NRP2: variants seen among roughly 807,000 people sequenced by gnomAD.
NRP2 encodes the protein neuropilin 2.
A neutral mutation model predicts 110.4 loss-of-function variants in NRP2; 52 were observed. The observed-to-expected ratio is 0.47, with a 90% CI of 0.38 to 0.59. The LOEUF is 0.59. NRP2 is among the 20% of genes least tolerant of loss of function. The pLI is 0.00. For missense variants in NRP2, 1,049 were observed against 1,203.0 expected (o/e 0.87, Z 1.89); for synonymous variants, 508 against 468.9 (o/e 1.08, Z -1.08).
At chr2:205,688,694 T>G (rs981036146) in intron 1 of NRP2, among the ~76,000 whole-genome samples, 1 of 152,188 alleles carries the variant, frequency 6.6e-6, no homozygotes, top group Non-Finnish European at 1.5e-5. Flanking sequence ...CCAAATTATG[T>G]GACCTTTGGC....
chr2:205,787,277 A>G (rs1040561162), intron 15 of NRP2, among the ~76,000 whole-genome samples: 1 of 152,122 alleles, frequency 6.6e-6, no homozygotes, highest in African/African-American at 2.4e-5. Flanking sequence ...GTGCAGGGTG[A>G]TGCTGCCACT....
At chr2:205,705,465 G>T (rs1237651618) in intron 2 of NRP2, among the ~76,000 whole-genome samples, 1 of 152,212 alleles carries the variant, frequency 6.6e-6, no homozygotes, top group African/African-American at 2.4e-5. Context: ...AGAAAAGCAT[G>T]ACTTTTTTTA....
chr2:205,697,187 A>G (rs552512220), intron 1 of NRP2, among the ~76,000 whole-genome samples: 5 of 152,128 alleles, frequency 3.3e-5, no homozygotes, highest in Non-Finnish European at 7.4e-5. Flanking sequence ...TGAGGAGAGG[A>G]AGATGGGCCA....
Position 205,740,656 on chromosome 2 carries a change from G to T in NRP2, c.1284G>T (p.Arg428=). Residue 428 remains arginine (R), a synonymous_variant, in exon 8 of 17, where the codon CGG becomes CGT. Transcript: ENST00000357785. The stretch of plus-strand genomic sequence containing the variant: ...TCCGGCTGGAGCTCTTCGGCTGCCG[G>T]GTCACAGGTGAGGTGGGGGCTCCAA... ...IALRLELFGC[R]VTDAPCSNML... is the part of the protein sequence containing the mutation. The T allele has an allele frequency of 6.2e-7, 1 of 1,614,110 alleles. No individual in the cohort carries two copies. The highest frequency in any genetic ancestry group is 8.5e-7 in the Non-Finnish European group (1 of 1,180,024).
At chr2:205,779,033 G>A (rs2058142261) in intron 15 of NRP2, 2 of 152,210 alleles carry the variant, frequency 1.3e-5, no homozygotes, top group African/African-American at 4.8e-5. Context: ...CATGGAGGGA[G>A]GGAAGGGTCA....
intron 2 of NRP2, among the ~76,000 whole-genome samples, chr2:205,703,902 G>C (rs76215559): frequency 2.6e-5 from 4 of 152,110 alleles, no homozygotes; most frequent in African/African-American, 7.2e-5. Flanking sequence ...CCCTTTTCCC[G>C]GTGAAGAGGT....
chr2:205,722,752 C>A, intron 4 of NRP2, 44 bp downstream of exon 4: 1 of 1,491,076 alleles, frequency 6.7e-7, no homozygotes, highest in Non-Finnish European at 9.4e-7. Context: ...TGGCCTTTGC[C>A]TGTTAATTGC....
At chr2:205,757,276 G>A (rs550995506) in intron 12 of NRP2, among the ~76,000 whole-genome samples, 3 of 152,330 alleles carry the variant, frequency 2.0e-5, no homozygotes, top group East Asian at 3.9e-4. Context: ...GAATCTTAAT[G>A]TTATAAAATA....
chr2:205,726,202 T>C, intron 6 of NRP2, 120 bp downstream of exon 6: 2 of 1,000,012 alleles, frequency 2.0e-6, no homozygotes, highest in Non-Finnish European at 3.1e-6. Context: ...ACCTGAGAAC[T>C]CCATTCATTC....
At chr2:205,789,730 T>C (rs1294334397) in intron 15 of NRP2, among the ~76,000 whole-genome samples, 1 of 152,190 alleles carries the variant, frequency 6.6e-6, no homozygotes, top group East Asian at 1.9e-4. Context: ...GCCTATTCTT[T>C]GCTAGAACTA....
At position 205,725,049 on chromosome 2, in the gene NRP2, C is replaced by T. The variant is rs1184990889; in HGVS notation, c.821-864C>T. ...CCTACCCTGATTGCAGACAACTCAC[C>T]ATATATATAACTACAGACACGGCAG... On this transcript the variant is annotated intron_variant, in intron 5 of 16. Coordinates refer to ENST00000357785, the MANE Select transcript of NRP2 (RefSeq NM_003872.3). This position sits in a 1 kb window ranked among gnomAD's most constrained non-coding sequence, Gnocchi z 4.1. Among the ~76,000 whole-genome samples the T allele has an allele frequency of 6.6e-6, 1 of 152,128 alleles. No homozygotes were observed. The highest frequency in any genetic ancestry group is 1.5e-5 in the Non-Finnish European group (1 of 68,028).
At chr2:205,761,640 G>C (rs544658880) in intron 12 of NRP2, 1 of 152,214 alleles carries the variant, frequency 6.6e-6, no homozygotes, top group Non-Finnish European at 1.5e-5. Flanking sequence ...AAGCAGCAAC[G>C]GGCCCAGTGG....
chr2:205,726,259 C>CA (rs2057126086), intron 6 of NRP2, among the ~76,000 whole-genome samples, 177 bp downstream of exon 6: 1 of 152,200 alleles, frequency 6.6e-6, no homozygotes, highest in South Asian at 2.1e-4. Flanking sequence ...TACATGCTGG[C>CA]ATACACTGAT....
At chr2:205,767,066 C>T in intron 15 of NRP2, 1 of 554,180 alleles carries the variant, frequency 1.8e-6, no homozygotes. Flanking sequence ...AACCTTTCAG[C>T]CTTGCATTGT....
intron 7 of NRP2, among the ~76,000 whole-genome samples, chr2:205,736,935 A>G (rs2057354332): frequency 6.6e-6 from 1 of 152,258 alleles, no homozygotes; most frequent in African/African-American, 2.4e-5. Flanking sequence ...AATATATGAT[A>G]GCATTTACTA....
At chr2:205,695,605 A>G (rs1448676134) in intron 1 of NRP2, among the ~76,000 whole-genome samples, 1 of 152,112 alleles carries the variant, frequency 6.6e-6, no homozygotes, top group Non-Finnish European at 1.5e-5. Context: ...CAAGGCAAAA[A>G]AGTGTGGTTT....
At chr2:205,743,934 G>A (rs183796604) in intron 9 of NRP2, among the ~76,000 whole-genome samples, 294 of 152,232 alleles carry the variant, frequency 1.9e-3, no homozygotes, top group Non-Finnish European at 2.9e-3. Context: ...GGTAGAGATG[G>A]GGTTTCACCG....
chr2:205,740,729 C>G, intron 8 of NRP2, 66 bp downstream of exon 8: 1 of 1,578,814 alleles, frequency 6.3e-7, no homozygotes, highest in Non-Finnish European at 8.7e-7. Context: ...CCTTTCAACT[C>G]TCTGCAAACA....
At position 205,726,049 on chromosome 2, in the gene NRP2, C is replaced by G; in HGVS notation, c.957C>G (p.Thr319=). Reference sequence around the variant, plus strand: ...TCCATGGTGATGACAATGGCTGGACCCCCAACTTGGATTCCAACAAGGAGT... The same window carrying G: ...TCCATGGTGATGACAATGGCTGGACGCCCAACTTGGATTCCAACAAGGAGT... The part of the protein sequence containing the change: ...SRLHGDDNGW[T]PNLDSNKEYL... The change falls in exon 6 of 17, where the codon ACC becomes ACG. Residue 319 remains threonine (T), a synonymous_variant. Transcript: ENST00000357785. 1 of 1,614,160 alleles carries G rather than the reference C, an allele frequency of 6.2e-7. No homozygotes were observed. Among genetic ancestry groups the G allele is most frequent in the Non-Finnish European group, 8.5e-7 (1 of 1,180,032 alleles).
Sources: allele counts gnomAD v4.1 joint callset (sites outside exome capture counted in the v4.1 genomes callset), GRCh38; gene constraint gnomAD v4.1.1; non-coding constraint Gnocchi (gnomAD v3.1); transcripts MANE v1.5; gene names NCBI Gene and HGNC (gene_info 2026-07-23, HGNC 2026-07-21).